The following KCNQ5 variants were observed in gnomAD, a reference collection of about 807,000 sequenced individuals.
KCNQ5 encodes the protein potassium voltage-gated channel subfamily KQT member 5.
Under a neutral mutation model 98.2 loss-of-function variants are expected in KCNQ5, and 30 were observed. That is an observed-to-expected ratio of 0.31 (90% CI 0.23 to 0.41). The LOEUF is 0.41. Ranked by LOEUF, KCNQ5 falls within the 10% of genes least tolerant of loss-of-function variation. The pLI, the probability that KCNQ5 is intolerant of heterozygous loss-of-function variation, is 1.00. For synonymous variants in KCNQ5, 458 were observed against 449.4 expected (o/e 1.02, Z -0.24); for missense variants, 835 against 1,182.5 (o/e 0.71, Z 4.31).
At chr6:72,750,407 A>G (rs1197794309) in intron 1 of KCNQ5, among the ~76,000 whole-genome samples, 1 of 152,070 alleles carries the variant, frequency 6.6e-6, no homozygotes, top group East Asian at 1.9e-4. Context: ...ATGCAGGACT[A>G]CTTAAAGTTT....
At chr6:72,857,081 G>A (rs1471431313) in intron 1 of KCNQ5, among the ~76,000 whole-genome samples, 6 of 152,204 alleles carry the variant, frequency 3.9e-5, no homozygotes, top group Admixed American at 3.9e-4. Flanking sequence ...CAGGCCCATA[G>A]CACTCATGCG....
intron 1 of KCNQ5, among the ~76,000 whole-genome samples, chr6:72,956,915 T>TC (rs1767105795): frequency 1.3e-5 from 2 of 151,926 alleles, no homozygotes; most frequent in Non-Finnish European, 2.9e-5. Flanking sequence ...TATAATAGAG[T>TC]TACTGTTAAT....
intron 1 of KCNQ5, among the ~76,000 whole-genome samples, chr6:72,799,995 A>C (rs1222273832): frequency 3.9e-5 from 6 of 152,200 alleles, no homozygotes; most frequent in Admixed American, 6.5e-5. Flanking sequence ...AAGGCCATTT[A>C]GAATAATTCA....
At chr6:72,963,053 T>C (rs1219915014) in intron 1 of KCNQ5, among the ~76,000 whole-genome samples, 1 of 152,122 alleles carries the variant, frequency 6.6e-6, no homozygotes, top group Non-Finnish European at 1.5e-5. Flanking sequence ...AAAAAATAAA[T>C]AAATAAATAA....
chr6:73,097,955 T>C (rs1436678248), intron 5 of KCNQ5, among the ~76,000 whole-genome samples: 1 of 152,038 alleles, frequency 6.6e-6, no homozygotes, highest in Non-Finnish European at 1.5e-5. Flanking sequence ...AATACCTAAC[T>C]CTTCAATGCC....
At chr6:73,055,737 T>C (rs1358331166) in intron 3 of KCNQ5, 11 of 1,069,356 alleles carry the variant, frequency 1.0e-5, no homozygotes, top group Non-Finnish European at 1.4e-5. Flanking sequence ...ATTCTCATTG[T>C]CTATGAATTG....
intron 1 of KCNQ5, among the ~76,000 whole-genome samples, chr6:72,852,640 A>AATAAATAAAT (rs1026407821): frequency 1.2e-4 from 7 of 56,794 alleles, no homozygotes; most frequent in Middle Eastern, 0.011. Context: ...ATGAAGGGGA[A>AATAAATAAAT]ATATATATAT....
chr6:72,851,697 A>C (rs1241020951), intron 1 of KCNQ5, among the ~76,000 whole-genome samples: 2 of 152,162 alleles, frequency 1.3e-5, no homozygotes, highest in African/African-American at 4.8e-5. Flanking sequence ...ATTCATTTAC[A>C]TAAAATCTAA....
chr6:72,718,630 T>C (rs1769784938), intron 1 of KCNQ5, among the ~76,000 whole-genome samples: 1 of 151,912 alleles, frequency 6.6e-6, no homozygotes, highest in Non-Finnish European at 1.5e-5. Flanking sequence ...TTTATATTTT[T>C]AGTAGAGACG....
intron 1 of KCNQ5, among the ~76,000 whole-genome samples, chr6:72,702,284 T>G (rs968888714): frequency 1.3e-5 from 2 of 152,200 alleles, no homozygotes; most frequent in African/African-American, 4.8e-5. Context: ...GATAAAATAC[T>G]AACATTTGTG....
intron 1 of KCNQ5, among the ~76,000 whole-genome samples, chr6:72,664,616 A>G (rs2154473051): frequency 6.6e-6 from 1 of 152,220 alleles, no homozygotes; most frequent in African/African-American, 2.4e-5. Context: ...GATCGTACCC[A>G]CTGCACTCCA....
rs77380880 is a variant in KCNQ5, at chr6:73,042,076, T to C, written c.616+14T>C. On this transcript the variant is annotated intron_variant, in intron 3 of 13. Coordinates refer to ENST00000370398, the MANE Select transcript of KCNQ5 (RefSeq NM_019842.4). ...TCTGTGTTATAGGTGAATATCAGAG[T>C]CTCAGATACCTGGACTATGACACCA... The C allele has an allele frequency of 3.1e-3, 5,029 of 1,613,346 alleles. 137 individuals are homozygous for C. In the African/African-American group the frequency reaches 0.057, roughly 18 times the overall value.
At chr6:72,772,761 T>C (rs1278292469) in intron 1 of KCNQ5, among the ~76,000 whole-genome samples, 1 of 152,142 alleles carries the variant, frequency 6.6e-6, no homozygotes, top group African/African-American at 2.4e-5. Context: ...TTAAAAAATG[T>C]CACTGAACTG....
At chr6:72,791,034 G>A (rs1314297078) in intron 1 of KCNQ5, among the ~76,000 whole-genome samples, 4 of 152,246 alleles carry the variant, frequency 2.6e-5, no homozygotes, top group Admixed American at 6.5e-5. Flanking sequence ...CAAGATCATC[G>A]CATCTTTGTA....
At chr6:73,121,117 G>A (rs1330387065) in intron 8 of KCNQ5, among the ~76,000 whole-genome samples, 5 of 152,126 alleles carry the variant, frequency 3.3e-5, no homozygotes, top group African/African-American at 9.7e-5. Flanking sequence ...TTACAATGAG[G>A]CAATGGGACC....
intron 1 of KCNQ5, among the ~76,000 whole-genome samples, chr6:72,808,722 G>A (rs1262781474): frequency 6.6e-6 from 1 of 152,024 alleles, no homozygotes; most frequent in Non-Finnish European, 1.5e-5. Context: ...CAAGATGGGA[G>A]GATTGCCTGA....
rs1446012763 is a variant in KCNQ5 at position 73,169,567 on chromosome 6, G to A, written c.1469-179G>A. Among the ~76,000 whole-genome samples the A allele has an allele frequency of 2.0e-5, 3 of 152,280 alleles. No individual in the cohort carries two copies. The East Asian group carries it at 5.8e-4, about 29-fold the overall frequency. ...AGAAAAGTATTCATATTTAAAACTG[G>A]GGAGGCTGTAGAAAAAGAAGAAAGA... is the stretch of plus-strand genomic sequence containing the variant. On this transcript the variant is annotated intron_variant, in intron 10 of 13. Coordinates refer to ENST00000370398, the MANE Select transcript of KCNQ5 (RefSeq NM_019842.4).
intron 1 of KCNQ5, among the ~76,000 whole-genome samples, chr6:72,820,120 A>G (rs778051408): frequency 3.9e-4 from 60 of 152,228 alleles, no homozygotes; most frequent in Non-Finnish European, 7.9e-4. Context: ...CTCTGCAGTA[A>G]GAATTGTGTC....
chr6:73,017,550 A>T (rs1301211195), intron 2 of KCNQ5, among the ~76,000 whole-genome samples: 1 of 152,186 alleles, frequency 6.6e-6, no homozygotes, highest in Non-Finnish European at 1.5e-5. Context: ...AAGACACATC[A>T]TGCCTCTGCA....
Sources: allele counts gnomAD v4.1 joint callset (sites outside exome capture counted in the v4.1 genomes callset), GRCh38; gene constraint gnomAD v4.1.1; transcripts MANE v1.5; gene names NCBI Gene and HGNC (gene_info 2026-07-23, HGNC 2026-07-21).